The following RNF222 variants were observed in gnomAD, a reference collection of about 807,000 sequenced individuals.
RNF222 encodes the protein ring finger protein 222, also known as RING finger protein LOC643904.
Under a neutral mutation model 10.8 loss-of-function variants are expected in RNF222, and 14 were observed. The observed-to-expected ratio is 1.30, with a 90% CI of 0.86 to 2.03. The LOEUF (loss-of-function observed/expected upper bound fraction) is 2.03, where lower values mean the gene tolerates loss of function less well. Ranked by LOEUF, RNF222 falls within the 30% of genes most tolerant of loss-of-function variation. The pLI is 0.00. For missense variants in RNF222, 298 were observed against 295.8 expected, an observed-to-expected ratio of 1.01 and a Z score of -0.06; for synonymous variants, 141 against 142.5, an observed-to-expected ratio of 0.99 and a Z score of 0.07.
intron 2 of RNF222, 72 bp downstream of exon 2, chr17:8,394,106 G>C (rs1368772203): frequency 6.6e-6 from 1 of 152,260 alleles, no homozygotes; most frequent in African/African-American, 2.4e-5. Context: ...ACAAAGCTTA[G>C]AACTTACACA....
At position 8,393,166 on chromosome 17, in the gene RNF222, G is replaced by A. The variant is rs1292057539; in HGVS notation, c.296C>T (p.Pro99Leu). 5.2e-6 allele frequency: 8 copies of A among 1,549,922 alleles called. No homozygotes were observed. Among genetic ancestry groups the A allele is most frequent in the Non-Finnish European group, 5.2e-6 (6 of 1,146,708 alleles). Residue 99 changes from proline to leucine, a missense_variant, in exon 3 of 3, where the codon CCA becomes CTA. Transcript: ENST00000399398. ...GTTTGTGTGGCCCAGGCTGTCCAGT[G>A]GGGGCACGGAGGGCAGGCCCACGGG... is the stretch of plus-strand genomic sequence containing the variant. ...AVPVGLPSVPPLDSLGHTNPL... is the reference protein window; with the variant it reads ...AVPVGLPSVPLLDSLGHTNPL...
intron 2 of RNF222, 73 bp from the exon 3 acceptor site, chr17:8,393,559 C>A: frequency 6.8e-7 from 1 of 1,461,600 alleles, no homozygotes; most frequent in Non-Finnish European, 9.0e-7. Context: ...CCACCTACAC[C>A]TCTGCCTCCA....
At position 8,395,963 on chromosome 17, in the gene RNF222, A is replaced by G. The variant is rs76215666; in HGVS notation, c.-177-1634T>C. 7.7e-3 allele frequency among the ~76,000 whole-genome samples: 1,171 copies of G among 152,340 alleles called. 12 individuals are homozygous for G. The highest frequency in any genetic ancestry group is 8.7e-3 in the Non-Finnish European group (592 of 68,038). ...GACACATATTTATTGAGCACCTGCT[A>G]TGTGCTAGGTACTGACTTACATATT... On this transcript the variant is annotated intron_variant, in intron 1 of 2. Coordinates refer to ENST00000399398, the MANE Select transcript of RNF222 (RefSeq NM_001146684.3).
At chr17:8,394,750 G>A (rs1349306930) in intron 1 of RNF222, among the ~76,000 whole-genome samples, 3 of 152,208 alleles carry the variant, frequency 2.0e-5, no homozygotes, top group Non-Finnish European at 4.4e-5. Flanking sequence ...CACAAGATGG[G>A]TTTTAAACAG....
intron 1 of RNF222, among the ~76,000 whole-genome samples, chr17:8,396,399 A>T (rs1435181236): frequency 6.6e-6 from 1 of 152,182 alleles, no homozygotes; most frequent in Non-Finnish European, 1.5e-5. Flanking sequence ...CCTTGAGACG[A>T]GCAGGGAAGG....
chr17:8,393,119 C>T lies in RNF222; in HGVS notation c.343G>A (p.Ala115Thr), dbSNP rs930482604. 4 of 1,528,278 alleles carry T rather than the reference C, an allele frequency of 2.6e-6. No individual in the cohort carries two copies. The African/African-American group carries it at 5.5e-5, about 21-fold the overall frequency. The allele number at this position is 1,528,278 out of a possible 1,614,324, so 94.7% of individuals were successfully genotyped here. A position where few individuals can be genotyped will look rare whatever the true frequency, so the allele number is the denominator to read the frequency against. The change falls in exon 3 of 3, where the codon GCC (alanine) becomes ACC (threonine). Residue 115 changes from alanine (A) to threonine (T), a missense_variant. Coordinates refer to ENST00000399398, the MANE Select transcript of RNF222 (RefSeq NM_001146684.3). The stretch of plus-strand genomic sequence containing the variant: ...GCCTGGCCTGGAGGTGGCCTCCAGG[C>T]AGGGGAGGAGGCGGCCAGGGGGTTT... ...HTNPLAASSP[A>T]WRPPPGQARP...
rs552137408 is a variant in RNF222, at chr17:8,392,459, C to T, written c.*340G>A. 1.7e-5 allele frequency: 5 copies of T among 290,570 alleles called. No individual in the cohort carries two copies. The highest frequency in any genetic ancestry group is 1.1e-4 in the African/African-American group (5 of 44,750). 18.0% of individuals were successfully genotyped at this position (290,570 alleles called of 1,614,324 possible). ...CTTTCTTGTCCCTGGAGGGGCCCACCTGGCTTTGGGCAGGTCACCTGGCAG... is the reference window on the plus strand; with the variant it reads ...CTTTCTTGTCCCTGGAGGGGCCCACTTGGCTTTGGGCAGGTCACCTGGCAG... On this transcript the variant is annotated 3_prime_UTR_variant, in exon 3 of 3. Coordinates refer to ENST00000399398, the MANE Select transcript of RNF222 (RefSeq NM_001146684.3). The surrounding 1 kb of genome is among the most constrained non-coding windows in gnomAD (Gnocchi z 4.3).
chr17:8,392,653 C>T lies in RNF222; in HGVS notation c.*146G>A, dbSNP rs994963442. 67 of 1,017,660 alleles carry T rather than the reference C, an allele frequency of 6.6e-5. No individual in the cohort carries two copies. Among genetic ancestry groups the T allele is most frequent in the Non-Finnish European group, 8.3e-5 (60 of 725,330 alleles). The allele number at this position is 1,017,660 out of a possible 1,614,324, so 63.0% of individuals were successfully genotyped here. A position where few individuals can be genotyped will look rare whatever the true frequency, so the allele number is the denominator to read the frequency against. The stretch of plus-strand genomic sequence containing the variant: ...GTCGAGCGGAAGCCCCTGCGGGGGT[C>T]GGGGAAGCCCAAGGCCCTCTCTGTG... On this transcript the variant is annotated 3_prime_UTR_variant, in exon 3 of 3. Transcript: ENST00000399398. This position sits in a 1 kb window ranked among gnomAD's most constrained non-coding sequence, Gnocchi z 4.3.
chr17:8,394,716 A>G (rs1033478979), intron 1 of RNF222, among the ~76,000 whole-genome samples: 2 of 152,238 alleles, frequency 1.3e-5, no homozygotes, highest in Non-Finnish European at 2.9e-5. Context: ...TGCTGGGATT[A>G]CAGACGCAAG....
chr17:8,395,770 T>A (rs1234445971), intron 1 of RNF222, among the ~76,000 whole-genome samples: 1 of 152,220 alleles, frequency 6.6e-6, no homozygotes, highest in African/African-American at 2.4e-5. Flanking sequence ...AGTTATTTCA[T>A]AACACATTTG....
At position 8,393,018 on chromosome 17, in the gene RNF222, C is replaced by T. The variant is rs1217271172; in HGVS notation, c.444G>A (p.Gln148=). 1.3e-6 allele frequency: 2 copies of T among 1,503,844 alleles called. No homozygotes were observed. The highest frequency in any genetic ancestry group is 1.3e-5 in the South Asian group (1 of 77,494). 93.2% of individuals were successfully genotyped at this position (1,503,844 alleles called of 1,614,324 possible). Residue 148 remains glutamine, a synonymous_variant, in exon 3 of 3, where the codon CAG becomes CAA. Transcript: ENST00000399398. ...DLLPSLPRES[Q]IFVISRHGMP... ...TCCCGTGGCGGCTGATGACAAAGAT[C>T]TGTGACTCCCGGGGCAGGCTGGGCA...
chr17:8,397,672 C>T (rs1908082627), intron 1 of RNF222, 23 bp downstream of exon 1: 1 of 152,404 alleles, frequency 6.6e-6, no homozygotes, highest in African/African-American at 2.4e-5. Context: ...CATCCAGGCC[C>T]CTAGACTCAC....
chr17:8,396,917 C>T (rs1186172639), intron 1 of RNF222, among the ~76,000 whole-genome samples: 2 of 152,110 alleles, frequency 1.3e-5, no homozygotes, highest in Non-Finnish European at 2.9e-5. Flanking sequence ...AAGAAGAATG[C>T]AGTAAGTGCC....
intron 2 of RNF222, among the ~76,000 whole-genome samples, chr17:8,393,746 A>G (rs1477182054): frequency 6.6e-6 from 1 of 152,166 alleles, no homozygotes; most frequent in Admixed American, 6.5e-5. Flanking sequence ...CAGAGAACCC[A>G]GTCACACTGG....
Position 8,393,269 on chromosome 17 carries a change from G to A in RNF222, c.193C>T (p.Arg65Cys), listed in dbSNP as rs545027473. 119 of 1,551,338 alleles carry A rather than the reference G, an allele frequency of 7.7e-5. 1 individual carries two copies. Among genetic ancestry groups the A allele is most frequent in the South Asian group, 4.2e-4 (35 of 84,068 alleles). The part of the protein sequence containing the change: ...VQRTLVCPIC[R>C]YVTFLSKKSS... ...TTCTTGCTGAGGAATGTGACGTAGC[G>A]GCAGATGGGGCAGACCAGGGTCCTC... Residue 65 changes from arginine to cysteine, a missense_variant, in exon 3 of 3, where the codon CGC (arginine) becomes TGC (cysteine). By Grantham distance (180) the Arg-to-Cys change is radical. Transcript: ENST00000399398.
rs78801137 is a variant in RNF222, at chr17:8,391,566, G to A, written c.*1233C>T. 0.026 allele frequency: 3,990 copies of A among 152,220 alleles called. 80 individuals carry two copies. The highest frequency in any genetic ancestry group is 0.067 in the East Asian group (344 of 5,164). The allele number at this position is 152,220 out of a possible 1,614,324, so 9.4% of individuals were successfully genotyped here. ...GGGGCTCAGCTGTGGGCACAGCTGGGTGCAGACCACCACTTAGTTGAGATA... is the reference window on the plus strand; with the variant it reads ...GGGGCTCAGCTGTGGGCACAGCTGGATGCAGACCACCACTTAGTTGAGATA... On this transcript the variant is annotated 3_prime_UTR_variant, in exon 3 of 3. Coordinates refer to ENST00000399398, the MANE Select transcript of RNF222 (RefSeq NM_001146684.3).
In RNF222 at chr17:8,393,495, G is replaced by C. The variant is rs1344299320; in HGVS notation, c.-25-9C>G. The C allele has an allele frequency of 6.6e-7, 1 of 1,519,640 alleles. No individual in the cohort carries two copies. Among genetic ancestry groups the C allele is most frequent in the Admixed American group, 2.0e-5 (1 of 48,918 alleles). The allele number at this position is 1,519,640 out of a possible 1,614,324, so 94.1% of individuals were successfully genotyped here. ...GGAGATGGCACGCTCAGCTGTGGAC[G>C]GGAAGGGTTGTGAATATTGGGGCAT... On this transcript the variant is annotated splice_polypyrimidine_tract_variant and intron_variant, in intron 2 of 2. Coordinates refer to ENST00000399398, the MANE Select transcript of RNF222 (RefSeq NM_001146684.3).
At position 8,393,258 on chromosome 17, in the gene RNF222, T is replaced by C; in HGVS notation, c.204A>G (p.Thr68=). 1 of 1,551,274 alleles carries C rather than the reference T, an allele frequency of 6.4e-7. No individual in the cohort carries two copies. The highest frequency in any genetic ancestry group is 1.4e-5 in the African/African-American group (1 of 73,158). The stretch of plus-strand genomic sequence containing the variant: ...AGCGGGAGCTCTTCTTGCTGAGGAA[T>C]GTGACGTAGCGGCAGATGGGGCAGA... ...TLVCPICRYV[T]FLSKKSSRWP... Residue 68 remains threonine (T), a synonymous_variant, in exon 3 of 3, where the codon ACA becomes ACG. Transcript: ENST00000399398.
chr17:8,394,438 G>GTTTT (rs36018609), intron 1 of RNF222, 109 bp from the exon 2 acceptor site: 1 of 133,052 alleles, frequency 7.5e-6, no homozygotes, highest in Admixed American at 7.6e-5. Context: ...AAGATGGTTT[G>GTTTT]TTTTTTTTTT....
Sources: allele counts gnomAD v4.1 joint callset (sites outside exome capture counted in the v4.1 genomes callset), GRCh38; gene constraint gnomAD v4.1.1; non-coding constraint Gnocchi (gnomAD v3.1); transcripts MANE v1.5; gene names NCBI Gene and HGNC (gene_info 2026-07-23, HGNC 2026-07-21).